The following NBAS variants were observed in gnomAD, a reference collection of about 807,000 sequenced individuals.
The protein encoded by NBAS is NBAS subunit of NRZ tethering complex.
NBAS carries 219 observed loss-of-function variants against 302.5 expected under a neutral mutation model. The ratio of observed to expected loss-of-function variants is 0.72; its 90% confidence interval spans 0.65 to 0.81. The LOEUF (loss-of-function observed/expected upper bound fraction) is 0.81. NBAS is among the 30% of genes least tolerant of loss of function. The pLI, the probability that NBAS is intolerant of heterozygous loss-of-function variation, is 0.00. For missense variants in NBAS, 2,932 were observed against 2,841.6 expected, an observed-to-expected ratio of 1.03 and a Z score of -0.72; for synonymous variants, 1,118 against 1,021.6, an observed-to-expected ratio of 1.09 and a Z score of -1.80.
chr2:15,131,894 C>T, the NBAS span, among the ~76,000 whole-genome samples: 547 of 152,172 alleles, frequency 3.6e-3, 4 homozygotes, highest in African/African-American at 0.012. Flanking sequence ...GGGGGTGGTG[C>T]CACACACTTT....
At chr2:14,811,352 G>C in the NBAS span, among the ~76,000 whole-genome samples, 1 of 152,168 alleles carries the variant, frequency 6.6e-6, no homozygotes, top group Non-Finnish European at 1.5e-5. Flanking sequence ...CAAGGCTGCA[G>C]TAAGCTATGA....
chr2:15,287,971 G>A (rs548845037), intron 41 of NBAS, among the ~76,000 whole-genome samples: 10 of 151,742 alleles, frequency 6.6e-5, no homozygotes, highest in African/African-American at 1.2e-4. Context: ...AGCACCGTGC[G>A]TAGGCAGCCC....
At chr2:14,789,619 G>C in the NBAS span, among the ~76,000 whole-genome samples, 8 of 152,140 alleles carry the variant, frequency 5.3e-5, no homozygotes, top group Non-Finnish European at 7.3e-5. Flanking sequence ...TTCATACTTA[G>C]AGCAAACACA....
chr2:15,539,683 T>G (rs774094731), intron 6 of NBAS, among the ~76,000 whole-genome samples: 1 of 152,178 alleles, frequency 6.6e-6, no homozygotes, highest in Non-Finnish European at 1.5e-5. Context: ...CTCAGAGAGA[T>G]CTAAAGCATA....
the NBAS span, among the ~76,000 whole-genome samples, chr2:15,088,880 G>A: frequency 3.9e-5 from 6 of 152,218 alleles, no homozygotes; most frequent in Non-Finnish European, 5.9e-5. Context: ...GAGAAGATGT[G>A]AGGATTCAGG....
chr2:15,501,946 G>A (rs567939210), intron 11 of NBAS, among the ~76,000 whole-genome samples: 3 of 152,186 alleles, frequency 2.0e-5, no homozygotes, highest in African/African-American at 7.2e-5. Context: ...CACATTTTAA[G>A]AGAAACATAA....
chr2:15,369,957 A>G (rs1674404725), intron 31 of NBAS, among the ~76,000 whole-genome samples: 1 of 152,222 alleles, frequency 6.6e-6, no homozygotes, highest in South Asian at 2.1e-4. Context: ...ACAGAGGCCC[A>G]CAACATATGA....
At chr2:15,372,303 T>A (rs1392675152) in intron 31 of NBAS, among the ~76,000 whole-genome samples, 1 of 152,112 alleles carries the variant, frequency 6.6e-6, no homozygotes, top group Non-Finnish European at 1.5e-5. Flanking sequence ...GACTCACACA[T>A]AGGGAGTCAT....
chr2:15,110,722 G>A, the NBAS span, among the ~76,000 whole-genome samples: 8 of 151,998 alleles, frequency 5.3e-5, no homozygotes, highest in African/African-American at 1.9e-4. Context: ...AACATTCAAG[G>A]TACCCCAAAG....
At chr2:15,126,408 T>C in the NBAS span, among the ~76,000 whole-genome samples, 1 of 152,256 alleles carries the variant, frequency 6.6e-6, no homozygotes, top group East Asian at 1.9e-4. Flanking sequence ...ACAGGAGCCC[T>C]GGTAGAGGAA....
intron 47 of NBAS, among the ~76,000 whole-genome samples, chr2:15,219,465 C>T (rs1666826018): frequency 1.5e-5 from 2 of 137,794 alleles, no homozygotes; most frequent in African/African-American, 5.5e-5. Context: ...GGCAGAGGAC[C>T]CTGCGGCCTT....
At chr2:15,357,259 C>T (rs1226545645) in intron 32 of NBAS, among the ~76,000 whole-genome samples, 1 of 152,160 alleles carries the variant, frequency 6.6e-6, no homozygotes, top group Non-Finnish European at 1.5e-5. Context: ...AAACAACCAA[C>T]TACAACTAGA....
the NBAS span, among the ~76,000 whole-genome samples, chr2:15,044,647 ACT>A: frequency 2.5e-3 from 375 of 152,068 alleles, 3 homozygotes; most frequent in African/African-American, 8.9e-3. Context: ...CTTAGATAAG[ACT>A]CTGTTTTCTC....
intron 10 of NBAS, among the ~76,000 whole-genome samples, chr2:15,508,329 G>A (rs1040343704): frequency 4.6e-5 from 7 of 152,284 alleles, no homozygotes; most frequent in Admixed American, 6.5e-5. Context: ...TCAGTAAGGT[G>A]CAAAGGGAAA....
the NBAS span, among the ~76,000 whole-genome samples, chr2:14,861,246 A>C: frequency 6.6e-6 from 1 of 152,224 alleles, no homozygotes; most frequent in African/African-American, 2.4e-5. Context: ...GACATTATTC[A>C]TTTGGGAGTT....
the NBAS span, among the ~76,000 whole-genome samples, chr2:14,854,084 A>G: frequency 6.6e-6 from 1 of 150,952 alleles, no homozygotes; most frequent in Non-Finnish European, 1.5e-5. Flanking sequence ...AAAAATAATA[A>G]TAATAATAAA....
At chr2:15,054,535 A>T in the NBAS span, among the ~76,000 whole-genome samples, 1 of 152,236 alleles carries the variant, frequency 6.6e-6, no homozygotes, top group Admixed American at 6.5e-5. Flanking sequence ...TAACTTGTGT[A>T]TGCAGAATAA....
chr2:14,955,288 C>T, the NBAS span, among the ~76,000 whole-genome samples: 1 of 152,216 alleles, frequency 6.6e-6, no homozygotes, highest in Admixed American at 6.5e-5. Flanking sequence ...TGGGCAACTC[C>T]AACCCTGTGG....
intron 21 of NBAS, among the ~76,000 whole-genome samples, chr2:15,431,972 G>A (rs541734265): frequency 6.6e-6 from 1 of 151,930 alleles, no homozygotes; most frequent in Admixed American, 6.6e-5. Flanking sequence ...CGTTAGGTAA[G>A]CAGAATGATA....
Sources: gnomAD v4.1 joint callset for allele counts (sites outside exome capture counted in the v4.1 genomes callset) on GRCh38, gnomAD v4.1.1 for gene constraint, MANE v1.5 for transcripts, NCBI Gene and HGNC (gene_info 2026-07-23, HGNC 2026-07-21) for gene names.